PCDH15: variants seen among roughly 807,000 people sequenced by gnomAD.
PCDH15 encodes protocadherin related 15.
Under a neutral mutation model 178.5 loss-of-function variants are expected in PCDH15, and 129 were observed. The ratio of observed to expected loss-of-function variants is 0.72; its 90% CI spans 0.63 to 0.84. PCDH15 has a LOEUF of 0.84. Ranked by LOEUF, PCDH15 falls within the 40% of genes least tolerant of loss-of-function variation. The pLI is 0.00. For missense variants in PCDH15, 2,230 were observed against 2,099.9 expected (o/e 1.06, Z -1.21); for synonymous variants, 800 against 732.0 (o/e 1.09, Z -1.50).
chr10:54,796,274 G>GTCTATGTATCTATC (rs1951982985), intron 1 of PCDH15, among the ~76,000 whole-genome samples: 7 of 56,960 alleles, frequency 1.2e-4, no homozygotes, highest in African/African-American at 2.1e-4. Context: ...ATCTATCTAT[G>GTCTATGTATCTATC]TATCTATGTA....
chr10:54,279,250 C>A (rs545634428), intron 8 of PCDH15, among the ~76,000 whole-genome samples: 86 of 151,586 alleles, frequency 5.7e-4, no homozygotes, highest in African/African-American at 1.9e-3. Context: ...ACTTCAAATT[C>A]CATCATATAA....
intron 3 of PCDH15, among the ~76,000 whole-genome samples, chr10:54,464,139 A>G (rs76645057): frequency 0.011 from 1,704 of 152,234 alleles, 28 homozygotes; most frequent in African/African-American, 0.037. Context: ...GGGAATGGGT[A>G]CAGTTTCAAG....
At chr10:55,266,183 T>C (rs1169948680) in intron 1 of PCDH15, among the ~76,000 whole-genome samples, 4 of 149,914 alleles carry the variant, frequency 2.7e-5, no homozygotes, top group Non-Finnish European at 5.9e-5. Context: ...AACTCATGCA[T>C]ACTTAACCTT....
chr10:54,314,879 A>G (rs1437341929), intron 8 of PCDH15, among the ~76,000 whole-genome samples: 1 of 152,152 alleles, frequency 6.6e-6, no homozygotes, highest in Admixed American at 6.6e-5. Flanking sequence ...ATTATTTTTT[A>G]TAGCTGTATA....
chr10:55,453,183 T>C (rs1839473560), intron 2 of PCDH15, among the ~76,000 whole-genome samples: 1 of 152,164 alleles, frequency 6.6e-6, no homozygotes, highest in Non-Finnish European at 1.5e-5. Flanking sequence ...GCTTTCAGTC[T>C]GCTTTTCCAG....
chr10:54,158,995 T>A (rs2045443014), intron 13 of PCDH15, among the ~76,000 whole-genome samples: 1 of 151,330 alleles, frequency 6.6e-6, no homozygotes, highest in African/African-American at 2.4e-5. Flanking sequence ...GTAGTCCCAG[T>A]GTTTTTGGGA....
chr10:55,185,365 C>G (rs938666335), intron 1 of PCDH15, among the ~76,000 whole-genome samples: 1 of 151,672 alleles, frequency 6.6e-6, no homozygotes, highest in East Asian at 1.9e-4. Flanking sequence ...GTTATTGAAA[C>G]TTTCTATAAA....
At chr10:54,322,661 A>G (rs917757590) in intron 7 of PCDH15, among the ~76,000 whole-genome samples, 1 of 151,804 alleles carries the variant, frequency 6.6e-6, no homozygotes. Context: ...CAAAAAAAGC[A>G]CTGGACCAGA....
At chr10:54,993,934 G>A (rs1467128641) in intron 2 of PCDH15, among the ~76,000 whole-genome samples, 2 of 151,976 alleles carry the variant, frequency 1.3e-5, no homozygotes, top group Admixed American at 1.3e-4. Context: ...CTGATTTATA[G>A]TTATTCTGAA....
chr10:54,251,441 C>T (rs545833642), intron 8 of PCDH15, among the ~76,000 whole-genome samples: 10 of 152,278 alleles, frequency 6.6e-5, no homozygotes, highest in South Asian at 6.2e-4. Flanking sequence ...AAACTAATTA[C>T]ATTTTTATCT....
At chr10:54,302,544 CACTA>C (rs2060205533) in intron 8 of PCDH15, among the ~76,000 whole-genome samples, 1 of 152,210 alleles carries the variant, frequency 6.6e-6, no homozygotes, top group South Asian at 2.1e-4. Context: ...TTGAGGACAC[CACTA>C]ACTGTGAGCC....
At chr10:55,407,322 G>A (rs962218572) in intron 2 of PCDH15, among the ~76,000 whole-genome samples, 1 of 152,104 alleles carries the variant, frequency 6.6e-6, no homozygotes, top group African/African-American at 2.4e-5. Flanking sequence ...GGGAATGTCT[G>A]GAGCAATGTC....
At chr10:53,879,291 G>T (rs2080515944) in intron 26 of PCDH15, among the ~76,000 whole-genome samples, 1 of 152,088 alleles carries the variant, frequency 6.6e-6, no homozygotes, top group South Asian at 2.1e-4. Context: ...GGAAAGTATA[G>T]TTATTGATGT....
chr10:53,901,010 C>T (rs558382414), intron 26 of PCDH15, among the ~76,000 whole-genome samples: 10 of 152,102 alleles, frequency 6.6e-5, no homozygotes, highest in Admixed American at 2.6e-4. Context: ...TGACAGTCAA[C>T]GATCCTCTTT....
At chr10:53,920,828 T>G (rs2083935404) in intron 25 of PCDH15, among the ~76,000 whole-genome samples, 1 of 152,146 alleles carries the variant, frequency 6.6e-6, no homozygotes, top group Admixed American at 6.5e-5. Flanking sequence ...GCGAAATATT[T>G]CCCTAGGTAT....
At chr10:54,789,956 A>C (rs913468265) in intron 1 of PCDH15, among the ~76,000 whole-genome samples, 10 of 151,976 alleles carry the variant, frequency 6.6e-5, no homozygotes, top group African/African-American at 2.4e-4. Flanking sequence ...ACACTATCAA[A>C]TTGACTGGAG....
chr10:54,056,874 T>C (rs2093902198), intron 18 of PCDH15, among the ~76,000 whole-genome samples: 2 of 152,144 alleles, frequency 1.3e-5, no homozygotes, highest in Admixed American at 1.3e-4. Context: ...ATACAGGCAT[T>C]GGGTAAATAT....
Position 53,821,873 on chromosome 10 carries a change from T to C in PCDH15, c.4368-1643A>G, listed in dbSNP as rs370042818. The C allele has an allele frequency of 1.1e-5, 18 of 1,613,184 alleles. No homozygotes were observed. In the African/African-American group the frequency reaches 1.9e-4, roughly 17 times the overall value. ...AAAAGCAACATTACAGTGAAGTAGA[T>C]TGACTGTGAGATTGTTTTTCAGTTC... On this transcript the variant is annotated intron_variant, in intron 32 of 37. Coordinates refer to ENST00000644397, the MANE Select transcript of PCDH15 (RefSeq NM_001384140.1).
intron 24 of PCDH15, among the ~76,000 whole-genome samples, chr10:53,940,664 T>C (rs1246300277): frequency 6.6e-6 from 1 of 152,204 alleles, no homozygotes; most frequent in African/African-American, 2.4e-5. Flanking sequence ...GTACTTAATA[T>C]TTCTTAAGGG....
Sources: gnomAD v4.1 joint callset for allele counts (sites outside exome capture counted in the v4.1 genomes callset) on GRCh38, gnomAD v4.1.1 for gene constraint, MANE v1.5 for transcripts, NCBI Gene and HGNC (gene_info 2026-07-23, HGNC 2026-07-21) for gene names.